ARHGEF4: variants seen among roughly 807,000 people sequenced by gnomAD.
The protein encoded by ARHGEF4 is APC-stimulated guanine nucleotide exchange factor 1.
Under a neutral mutation model 162.0 loss-of-function variants are expected in ARHGEF4, and 119 were observed. The ratio of observed to expected loss-of-function variants is 0.73; its 90% CI spans 0.63 to 0.86. The LOEUF (loss-of-function observed/expected upper bound fraction) is 0.86. Among genes scored for constraint, ARHGEF4 ranks in the 40% least tolerant of loss-of-function variants. The pLI is 0.00. For missense variants in ARHGEF4, 2,488 were observed against 2,456.0 expected, an observed-to-expected ratio of 1.01 and a Z score of -0.28; for synonymous variants, 1,014 against 979.9, an observed-to-expected ratio of 1.03 and a Z score of -0.65.
chr2:131,019,783 G>A (rs1218068118), intron 4 of ARHGEF4, among the ~76,000 whole-genome samples: 2 of 152,014 alleles, frequency 1.3e-5, no homozygotes, highest in African/African-American at 2.4e-5. Flanking sequence ...ACAGGCGCCT[G>A]CCACCACGGC....
At chr2:130,875,009 G>A (rs1049882670) in intron 1 of ARHGEF4, among the ~76,000 whole-genome samples, 1 of 152,096 alleles carries the variant, frequency 6.6e-6, no homozygotes, top group South Asian at 2.1e-4. Flanking sequence ...TGGCAACTCT[G>A]GTTCGTTTTT....
Position 130,916,749 on chromosome 2 carries a change from C to G in ARHGEF4, c.2803C>G (p.Pro935Ala). 6.4e-7 allele frequency: 1 copy of G among 1,550,600 alleles called. No individual in the cohort carries two copies. The highest frequency in any genetic ancestry group is 8.7e-7 in the Non-Finnish European group (1 of 1,147,032). ...LEKENTHERSPSSPKGEKEKS... is the reference protein window; with the variant it reads ...LEKENTHERSASSPKGEKEKS... ...GAAAGAGAACACCCATGAACGTTCCCCAAGTTCTCCCAAGGGCGAGAAGGA... is the reference window on the plus strand; with the variant it reads ...GAAAGAGAACACCCATGAACGTTCCGCAAGTTCTCCCAAGGGCGAGAAGGA... Residue 935 changes from proline (P) to alanine (A), a missense_variant, in exon 2 of 14, where the codon CCA becomes GCA. This residue lies in a region of ARHGEF4 where 1,642 missense variants were observed against 1,481.5 expected (regional missense o/e 1.11). Coordinates refer to ENST00000409359, the MANE Select transcript of ARHGEF4 (RefSeq NM_001367493.1).
At chr2:130,850,081 G>A (rs755526263) in intron 1 of ARHGEF4, among the ~76,000 whole-genome samples, 1 of 152,136 alleles carries the variant, frequency 6.6e-6, no homozygotes, top group Non-Finnish European at 1.5e-5. Context: ...TCACCCCACC[G>A]GGAGCCTCCC....
intron 4 of ARHGEF4, among the ~76,000 whole-genome samples, chr2:130,991,147 A>G (rs964338691): frequency 6.6e-6 from 1 of 152,256 alleles, no homozygotes; most frequent in African/African-American, 2.4e-5. Flanking sequence ...GCCACTCATG[A>G]TGGTGTGGAA....
chr2:130,931,017 C>T lies in ARHGEF4; in HGVS notation c.3618C>T (p.Phe1206=). Reference sequence around the variant, plus strand: ...GTTGCTCTCACAGTCAGAAGGCGTTCCACATGGAGCCTGCCCAGAAGCCCT... The same window carrying T: ...GTTGCTCTCACAGTCAGAAGGCGTTTCACATGGAGCCTGCCCAGAAGCCCT... ...KPSCSHSQKA[F]HMEPAQKPCF... The change falls in exon 3 of 14, where the codon TTC becomes TTT. Residue 1206 remains phenylalanine, a synonymous_variant. Coordinates refer to ENST00000409359, the MANE Select transcript of ARHGEF4 (RefSeq NM_001367493.1). 1 of 1,613,922 alleles carries T rather than the reference C, an allele frequency of 6.2e-7. No homozygotes were observed. Among genetic ancestry groups the T allele is most frequent in the Non-Finnish European group, 8.5e-7 (1 of 1,179,842 alleles).
At chr2:130,988,901 T>G (rs7420038) in intron 4 of ARHGEF4, among the ~76,000 whole-genome samples, 42,948 of 112,522 alleles carry the variant, frequency 0.38, 8,284 homozygotes, top group African/African-American at 0.43. Flanking sequence ...TATATATATA[T>G]AGAGAGAGAG....
intron 4 of ARHGEF4, among the ~76,000 whole-genome samples, chr2:130,957,982 G>A (rs1218777835): frequency 6.6e-6 from 1 of 151,296 alleles, no homozygotes; most frequent in African/African-American, 2.4e-5. Context: ...TTAATGGTAT[G>A]TAATTTATAT....
At chr2:131,040,716 C>T (rs532823661) in intron 8 of ARHGEF4, among the ~76,000 whole-genome samples, 31 of 152,304 alleles carry the variant, frequency 2.0e-4, no homozygotes, top group African/African-American at 6.7e-4. Flanking sequence ...AGGGCAGAGG[C>T]CTGCCGAGCG....
chr2:130,903,141 G>A (rs866267211), intron 1 of ARHGEF4, among the ~76,000 whole-genome samples: 4 of 141,822 alleles, frequency 2.8e-5, no homozygotes, highest in Admixed American at 7.0e-5. Flanking sequence ...GAGTCTTTCC[G>A]TTTCTTCATT....
At position 130,915,109 on chromosome 2, in the gene ARHGEF4, G is replaced by C. The variant is rs1206535077; in HGVS notation, c.1163G>C (p.Gly388Ala). The change falls in exon 2 of 14, where the codon GGC becomes GCC. Residue 388 changes from glycine to alanine, a missense_variant. Around this residue, in one of 6 missense-constraint regions of ARHGEF4, gnomAD observed 1,642 missense variants for 1,481.5 expected, o/e 1.11. Coordinates refer to ENST00000409359, the MANE Select transcript of ARHGEF4 (RefSeq NM_001367493.1). ...TCCCCTGCACCCACCCAGCTGTCTG[G>C]CCCGATTCCTGCTTTTCAGAGTGGG... is the stretch of plus-strand genomic sequence containing the variant. ...IPSPAPTQLS[G>A]PIPAFQSGAP... 6.4e-7 allele frequency: 1 copy of C among 1,550,688 alleles called. No individual in the cohort carries two copies. The highest frequency in any genetic ancestry group is 8.7e-7 in the Non-Finnish European group (1 of 1,147,022).
intron 5 of ARHGEF4, chr2:131,035,029 G>T (rs1690138284): frequency 1.0e-6 from 1 of 989,170 alleles, no homozygotes. Context: ...GGGCGCTGCG[G>T]GCCACCGGCT....
chr2:130,968,770 T>G (rs1685160139), intron 4 of ARHGEF4, among the ~76,000 whole-genome samples: 1 of 151,790 alleles, frequency 6.6e-6, no homozygotes, highest in East Asian at 1.9e-4. Context: ...ATACAAAAAT[T>G]AGCCGGGTGT....
At chr2:130,857,226 C>T (rs968834573) in intron 1 of ARHGEF4, among the ~76,000 whole-genome samples, 3 of 150,638 alleles carry the variant, frequency 2.0e-5, no homozygotes, top group African/African-American at 7.3e-5. Context: ...AGCGAGACTC[C>T]ATCTCAAAAA....
chr2:130,902,061 C>T (rs1020051554), intron 1 of ARHGEF4, among the ~76,000 whole-genome samples: 1 of 152,194 alleles, frequency 6.6e-6, no homozygotes, highest in African/African-American at 2.4e-5. Context: ...AGAGCAACAC[C>T]GGTGCTTCTT....
intron 4 of ARHGEF4, among the ~76,000 whole-genome samples, chr2:131,000,114 AAAG>A (rs1171549586): frequency 6.6e-6 from 1 of 152,256 alleles, no homozygotes; most frequent in Non-Finnish European, 1.5e-5. Flanking sequence ...AAAAGATAAA[AAAG>A]AAGAAAGTTC....
At chr2:130,874,306 G>A (rs1296435434) in intron 1 of ARHGEF4, among the ~76,000 whole-genome samples, 1 of 152,196 alleles carries the variant, frequency 6.6e-6, no homozygotes, top group Non-Finnish European at 1.5e-5. Flanking sequence ...TGGGAAAACA[G>A]GTCCCAGGAA....
At chr2:130,997,582 G>A (rs992422163) in intron 4 of ARHGEF4, among the ~76,000 whole-genome samples, 8 of 152,162 alleles carry the variant, frequency 5.3e-5, no homozygotes, top group African/African-American at 9.7e-5. Context: ...TAGAGTGTGC[G>A]CCGCGGATTT....
intron 4 of ARHGEF4, among the ~76,000 whole-genome samples, chr2:131,002,094 A>G (rs1687806292): frequency 1.3e-5 from 2 of 152,182 alleles, no homozygotes; most frequent in Non-Finnish European, 2.9e-5. Flanking sequence ...CTTACTGAGA[A>G]TCTACTGGCT....
chr2:130,999,160 CTTT>C (rs1249587118), intron 4 of ARHGEF4, among the ~76,000 whole-genome samples: 1 of 135,940 alleles, frequency 7.4e-6, no homozygotes, highest in Non-Finnish European at 1.6e-5. Context: ...TTTGTTTTTT[CTTT>C]TTTTTTTTTT....
Sources: gnomAD v4.1 joint callset for allele counts (sites outside exome capture counted in the v4.1 genomes callset) on GRCh38, gnomAD v4.1.1 for gene constraint, gnomAD v4.1.1 regional missense constraint, MANE v1.5 for transcripts, NCBI Gene and HGNC (gene_info 2026-07-23, HGNC 2026-07-21) for gene names.